The following CNTN3 variants were observed in gnomAD, a reference collection of about 807,000 sequenced individuals.
CNTN3 encodes contactin-3.
Under a neutral mutation model 119.1 loss-of-function variants are expected in CNTN3, and 60 were observed. The observed-to-expected ratio is 0.50, with a 90% confidence interval of 0.41 to 0.62. The LOEUF is 0.62. CNTN3 is among the 20% of genes least tolerant of loss of function. The probability of loss-of-function intolerance (pLI) is 0.00; values close to 1 mark genes in which losing one functional copy is unlikely to be tolerated. For synonymous variants in CNTN3, 450 were observed against 438.7 expected (o/e 1.03, Z -0.32); for missense variants, 1,101 against 1,242.4 (o/e 0.89, Z 1.71).
chr3:74,367,930 A>C (rs1704238649), intron 8 of CNTN3, among the ~76,000 whole-genome samples: 1 of 152,074 alleles, frequency 6.6e-6, no homozygotes, highest in Admixed American at 6.6e-5. Context: ...AGTATGAGAA[A>C]AGGTTACTTG....
chr3:74,415,928 G>A (rs760820466), intron 5 of CNTN3, among the ~76,000 whole-genome samples: 3 of 152,144 alleles, frequency 2.0e-5, no homozygotes, highest in Non-Finnish European at 4.4e-5. Flanking sequence ...CTCATCTTGT[G>A]GCAGGTGTTC....
chr3:74,545,262 A>G (rs1703898150), intron 1 of CNTN3, among the ~76,000 whole-genome samples: 1 of 152,228 alleles, frequency 6.6e-6, no homozygotes, highest in Non-Finnish European at 1.5e-5. Context: ...AGCTACTTAA[A>G]AAGTCTCCAA....
intron 1 of CNTN3, among the ~76,000 whole-genome samples, chr3:74,603,038 G>A (rs1159182772): frequency 6.6e-6 from 1 of 152,052 alleles, no homozygotes; most frequent in Non-Finnish European, 1.5e-5. Context: ...TGCAACTGAG[G>A]TCTCAGCTGA....
At chr3:74,511,367 C>G (rs1269499977) in intron 2 of CNTN3, among the ~76,000 whole-genome samples, 2 of 152,106 alleles carry the variant, frequency 1.3e-5, no homozygotes, top group East Asian at 3.9e-4. Context: ...AATAACATAT[C>G]TTGGATTGAT....
chr3:74,419,255 GT>G (rs1701579884), intron 5 of CNTN3, among the ~76,000 whole-genome samples: 1 of 152,124 alleles, frequency 6.6e-6, no homozygotes, highest in African/African-American at 2.4e-5. Context: ...CTAGTCATGT[GT>G]CTCCCTGCCT....
At chr3:74,386,751 A>T (rs1392850451) in intron 5 of CNTN3, among the ~76,000 whole-genome samples, 1 of 152,254 alleles carries the variant, frequency 6.6e-6, no homozygotes, top group Non-Finnish European at 1.5e-5. Context: ...TGGATTAAAT[A>T]AGATAATGCA....
At chr3:74,444,768 T>C (rs1218899667) in intron 4 of CNTN3, among the ~76,000 whole-genome samples, 2 of 152,208 alleles carry the variant, frequency 1.3e-5, no homozygotes, top group African/African-American at 4.8e-5. Context: ...TTCTCAATTA[T>C]AACCCTATCA....
chr3:74,478,988 A>C (rs1398235236), intron 4 of CNTN3, among the ~76,000 whole-genome samples: 1 of 152,102 alleles, frequency 6.6e-6, no homozygotes, highest in Non-Finnish European at 1.5e-5. Flanking sequence ...GATAGGTATT[A>C]AAAACTCAAT....
chr3:74,526,833 A>G (rs761166325), intron 1 of CNTN3, among the ~76,000 whole-genome samples: 8 of 151,584 alleles, frequency 5.3e-5, no homozygotes, highest in African/African-American at 1.2e-4. Flanking sequence ...CACTTCTAAC[A>G]CCTTCTATTG....
At chr3:74,288,837 TC>T (rs1360985834) in intron 19 of CNTN3, among the ~76,000 whole-genome samples, 1 of 152,192 alleles carries the variant, frequency 6.6e-6, no homozygotes, top group Non-Finnish European at 1.5e-5. Flanking sequence ...TATCTCTTGT[TC>T]CAACCCAAAA....
chr3:74,540,383 T>C (rs1284871478), intron 1 of CNTN3, among the ~76,000 whole-genome samples: 3 of 152,164 alleles, frequency 2.0e-5, no homozygotes, highest in Non-Finnish European at 2.9e-5. Flanking sequence ...GATTTGGTTA[T>C]AAACAATGAA....
chr3:74,465,058 T>A (rs1422293599), intron 4 of CNTN3, among the ~76,000 whole-genome samples: 1 of 152,198 alleles, frequency 6.6e-6, no homozygotes, highest in Non-Finnish European at 1.5e-5. Context: ...AGAGTATATG[T>A]ACCTTGCTTT....
intron 2 of CNTN3, among the ~76,000 whole-genome samples, chr3:74,516,456 TTAA>T: frequency 6.6e-6 from 1 of 150,884 alleles, no homozygotes. Context: ...TATAATTTTC[TTAA>T]TAACATTGTC....
chr3:74,364,968 A>C lies in CNTN3; in HGVS notation c.1084-372T>G, dbSNP rs1704155902. Among the ~76,000 whole-genome samples the C allele has an allele frequency of 2.0e-5, 3 of 152,250 alleles. No individual in the cohort carries two copies. The East Asian group carries it at 5.8e-4, about 29-fold the overall frequency. The stretch of plus-strand genomic sequence containing the variant: ...CCCATCAGTTGGAAATGTTTTCACT[A>C]TGTCTTTTCAAATCATGCAAGTTAA... On this transcript the variant is annotated intron_variant, in intron 9 of 22. Coordinates refer to ENST00000263665, the MANE Select transcript of CNTN3 (RefSeq NM_020872.3).
At chr3:74,389,915 C>T (rs1442968204) in intron 5 of CNTN3, among the ~76,000 whole-genome samples, 1 of 152,158 alleles carries the variant, frequency 6.6e-6, no homozygotes, top group African/African-American at 2.4e-5. Flanking sequence ...TTCTTACTCT[C>T]TCTGAAATAA....
intron 13 of CNTN3, among the ~76,000 whole-genome samples, chr3:74,324,744 A>G (rs572167908): frequency 6.6e-6 from 1 of 152,178 alleles, no homozygotes; most frequent in African/African-American, 2.4e-5. Context: ...AAAACTAATG[A>G]AAATTCTTAG....
intron 1 of CNTN3, among the ~76,000 whole-genome samples, chr3:74,607,274 AC>A (rs1346109576): frequency 5.3e-5 from 8 of 152,184 alleles, no homozygotes; most frequent in Non-Finnish European, 7.4e-5. Flanking sequence ...ACTTTCGGCT[AC>A]TTTACATTCA....
intron 8 of CNTN3, among the ~76,000 whole-genome samples, chr3:74,366,568 A>T (rs1432376443): frequency 6.6e-6 from 1 of 151,680 alleles, no homozygotes; most frequent in Non-Finnish European, 1.5e-5. Context: ...GTACTGTGGG[A>T]TTCACATTTG....
At chr3:74,356,897 T>C (rs1250752064) in intron 11 of CNTN3, among the ~76,000 whole-genome samples, 1 of 152,142 alleles carries the variant, frequency 6.6e-6, no homozygotes, top group Non-Finnish European at 1.5e-5. Flanking sequence ...CTATAAAACT[T>C]TATAAACCAG....
Sources: allele counts gnomAD v4.1 joint callset (sites outside exome capture counted in the v4.1 genomes callset), GRCh38; gene constraint gnomAD v4.1.1; transcripts MANE v1.5; gene names NCBI Gene and HGNC (gene_info 2026-07-23, HGNC 2026-07-21).